Variants in UNC13C observed in about 807,000 individuals in gnomAD.
UNC13C encodes the protein protein unc-13 homolog C.
Under a neutral mutation model 245.4 loss-of-function variants are expected in UNC13C, and 174 were observed. The observed-to-expected ratio is 0.71, with a 90% CI of 0.63 to 0.80. The LOEUF is 0.80. Ranked by LOEUF, UNC13C falls within the 30% of genes least tolerant of loss-of-function variation. UNC13C has a pLI of 0.00. For missense variants in UNC13C, 2,829 were observed against 2,602.9 expected (o/e 1.09, Z -1.89); for synonymous variants, 992 against 895.1 (o/e 1.11, Z -1.93).
intron 1 of UNC13C, among the ~76,000 whole-genome samples, chr15:54,008,838 C>A (rs1345816548): frequency 1.3e-5 from 2 of 152,148 alleles, no homozygotes; most frequent in Admixed American, 1.3e-4. Context: ...GACCAAACTA[C>A]CTTTTTGCTT....
At chr15:53,890,756 T>C in the UNC13C span, among the ~76,000 whole-genome samples, 5 of 73,446 alleles carry the variant, frequency 6.8e-5, no homozygotes, top group East Asian at 2.4e-3. Flanking sequence ...CTTCTCTCTT[T>C]TCTTCTTTGT....
At chr15:54,581,190 A>C (rs766188167) in intron 30 of UNC13C, among the ~76,000 whole-genome samples, 1 of 152,166 alleles carries the variant, frequency 6.6e-6, no homozygotes, top group Non-Finnish European at 1.5e-5. Context: ...TGTATGGTTC[A>C]AAGTGGGTTT....
At chr15:53,898,769 C>T in the UNC13C span, among the ~76,000 whole-genome samples, 1 of 152,120 alleles carries the variant, frequency 6.6e-6, no homozygotes, top group Non-Finnish European at 1.5e-5. Context: ...ACCTAATATT[C>T]CAATTTTAAA....
intron 2 of UNC13C, among the ~76,000 whole-genome samples, chr15:54,083,200 T>G (rs1024863680): frequency 3.9e-5 from 6 of 152,098 alleles, no homozygotes; most frequent in African/African-American, 1.4e-4. Context: ...CACGATTCCC[T>G]TCCCTATCAT....
intron 4 of UNC13C, among the ~76,000 whole-genome samples, chr15:54,190,589 A>G (rs996803737): frequency 6.6e-6 from 1 of 152,068 alleles, no homozygotes; most frequent in African/African-American, 2.4e-5. Context: ...GAGTCACTTC[A>G]TATTTTCTAG....
At chr15:54,135,678 T>C (rs148291840) in intron 2 of UNC13C, among the ~76,000 whole-genome samples, 43 of 152,330 alleles carry the variant, frequency 2.8e-4, no homozygotes, top group African/African-American at 9.9e-4. Context: ...TTTATGCTGG[T>C]ACCATATTGT....
intron 2 of UNC13C, among the ~76,000 whole-genome samples, chr15:54,093,931 G>T (rs529780632): frequency 6.6e-6 from 1 of 152,068 alleles, no homozygotes; most frequent in Non-Finnish European, 1.5e-5. Context: ...TTATGAGAGC[G>T]CACTCCTTGG....
At chr15:54,601,081 TGTG>T (rs1899390230) in intron 30 of UNC13C, among the ~76,000 whole-genome samples, 1 of 152,220 alleles carries the variant, frequency 6.6e-6, no homozygotes, top group African/African-American at 2.4e-5. Flanking sequence ...ACATGCAGCC[TGTG>T]GCTTGAGGGT....
chr15:54,120,683 C>A (rs181368094), intron 2 of UNC13C, among the ~76,000 whole-genome samples: 1 of 151,854 alleles, frequency 6.6e-6, no homozygotes, highest in African/African-American at 2.4e-5. Flanking sequence ...GGAAAGGATT[C>A]GCCATTCTAG....
At chr15:54,150,875 G>C (rs2032484031) in intron 4 of UNC13C, among the ~76,000 whole-genome samples, 3 of 151,946 alleles carry the variant, frequency 2.0e-5, no homozygotes, top group African/African-American at 7.3e-5. Flanking sequence ...GTTTTCTTGG[G>C]GTAGATTATA....
chr15:54,180,025 T>G (rs1336112797), intron 4 of UNC13C, among the ~76,000 whole-genome samples: 1 of 152,076 alleles, frequency 6.6e-6, no homozygotes, highest in Non-Finnish European at 1.5e-5. Flanking sequence ...TTGACTTTAT[T>G]TTACTTTCAG....
At chr15:54,390,110 G>A (rs1042513769) in intron 17 of UNC13C, among the ~76,000 whole-genome samples, 2 of 152,104 alleles carry the variant, frequency 1.3e-5, no homozygotes, top group Non-Finnish European at 2.9e-5. Context: ...ACAATTACAT[G>A]TTTATTGAAT....
At chr15:54,529,079 CAA>C (rs1446857826) in intron 25 of UNC13C, among the ~76,000 whole-genome samples, 2 of 152,096 alleles carry the variant, frequency 1.3e-5, no homozygotes, top group Non-Finnish European at 2.9e-5. Flanking sequence ...AGAAATGAGA[CAA>C]ATTCAAAGGG....
At chr15:54,510,958 A>C (rs1054902088) in intron 23 of UNC13C, among the ~76,000 whole-genome samples, 1 of 152,126 alleles carries the variant, frequency 6.6e-6, no homozygotes, top group Admixed American at 6.6e-5. Context: ...AAAGCTTTAC[A>C]TCTTTGTTAT....
At chr15:54,426,019 A>G (rs932420060) in intron 19 of UNC13C, among the ~76,000 whole-genome samples, 1 of 151,540 alleles carries the variant, frequency 6.6e-6, no homozygotes, top group Non-Finnish European at 1.5e-5. Flanking sequence ...TATTTTTCTC[A>G]TGACTCTAAC....
chr15:54,426,301 G>T lies in UNC13C; in HGVS notation c.4933+11234G>T, dbSNP rs912132361. Among the ~76,000 whole-genome samples the T allele has an allele frequency of 6.0e-5, 9 of 149,068 alleles. 1 individual carries two copies. The highest frequency in any genetic ancestry group is 2.0e-4 in the East Asian group (1 of 5,060). ...GGCCTCATCTGAAAGTTCAACTGGTGAAGGTTCTGCTTCCATATTATCTCG... is the reference window on the plus strand; with the variant it reads ...GGCCTCATCTGAAAGTTCAACTGGTTAAGGTTCTGCTTCCATATTATCTCG... On this transcript the variant is annotated intron_variant, in intron 19 of 32. Coordinates refer to ENST00000260323, the MANE Select transcript of UNC13C (RefSeq NM_001080534.3).
intron 19 of UNC13C, among the ~76,000 whole-genome samples, chr15:54,491,675 T>C (rs895341625): frequency 6.6e-6 from 1 of 152,162 alleles, no homozygotes; most frequent in Non-Finnish European, 1.5e-5. Flanking sequence ...TCACATGATA[T>C]CTGCTTGCTT....
intron 17 of UNC13C, among the ~76,000 whole-genome samples, chr15:54,362,150 G>A (rs1030953192): frequency 3.3e-5 from 5 of 152,184 alleles, no homozygotes; most frequent in Non-Finnish European, 5.9e-5. Context: ...ACCACTCACT[G>A]TGATAAAAGA....
chr15:53,971,045 T>C, the UNC13C span, among the ~76,000 whole-genome samples: 1 of 152,192 alleles, frequency 6.6e-6, no homozygotes, highest in Non-Finnish European at 1.5e-5. Context: ...TGTTTTATAA[T>C]GGCTACTCTA....
Sources: gnomAD v4.1 joint callset for allele counts (sites outside exome capture counted in the v4.1 genomes callset) on GRCh38, gnomAD v4.1.1 for gene constraint, MANE v1.5 for transcripts, NCBI Gene and HGNC (gene_info 2026-07-23, HGNC 2026-07-21) for gene names.